The following PCDHGA10 variants were observed in gnomAD, a reference collection of about 807,000 sequenced individuals.
PCDHGA10 encodes protocadherin gamma-A10.
In PCDHGA10, 42 loss-of-function variants were observed where a neutral mutation model predicts 59.5. The observed-to-expected ratio is 0.71, with a 90% CI of 0.55 to 0.91. The LOEUF (loss-of-function observed/expected upper bound fraction) is 0.91, where lower values mean the gene tolerates loss of function less well. Ranked by LOEUF, PCDHGA10 falls within the 40% of genes least tolerant of loss-of-function variation. The pLI is 0.00. For missense variants in PCDHGA10, 1,111 were observed against 1,198.2 expected, an observed-to-expected ratio of 0.93 and a Z score of 1.07; for synonymous variants, 511 against 517.2, an observed-to-expected ratio of 0.99 and a Z score of 0.16.
At chr5:141,481,323 C>T (rs539518691) in intron 1 of PCDHGA10, among the ~76,000 whole-genome samples, 1 of 152,284 alleles carries the variant, frequency 6.6e-6, no homozygotes, top group Non-Finnish European at 1.5e-5. Flanking sequence ...AAAGCACTAG[C>T]CCCTGGACAA....
chr5:141,426,394 A>G (rs1353766048), intron 1 of PCDHGA10: 1 of 258,122 alleles, frequency 3.9e-6, no homozygotes, highest in African/African-American at 2.2e-5. Flanking sequence ...CCGCTACTCT[A>G]TTCCAGAAGA....
At chr5:141,457,953 C>G (rs12188170) in intron 1 of PCDHGA10, among the ~76,000 whole-genome samples, 6,291 of 152,286 alleles carry the variant, frequency 0.041, 196 homozygotes, top group Admixed American at 0.075. Context: ...GCATGTCAAG[C>G]TTGATTCCTT....
intron 1 of PCDHGA10, among the ~76,000 whole-genome samples, chr5:141,442,609 TA>T (rs1238913928): frequency 6.6e-6 from 1 of 152,112 alleles, no homozygotes; most frequent in African/African-American, 2.4e-5. Flanking sequence ...GAGATCTCAG[TA>T]AAAAGCATTT....
rs746318177 is a variant in PCDHGA10 at position 141,431,715 on chromosome 5, T to G, written c.2436+16104T>G. On this transcript the variant is annotated intron_variant, in intron 1 of 3. Coordinates refer to ENST00000398610, the MANE Select transcript of PCDHGA10 (RefSeq NM_018913.3). The surrounding 1 kb of genome is among the most constrained non-coding windows in gnomAD (Gnocchi z 4.8). Reference sequence around the variant, plus strand: ...GAGTCAGGATTCTACCAGATGGAAGTGCAAGCAATGGATAATGCAGGATAT... The same window carrying G: ...GAGTCAGGATTCTACCAGATGGAAGGGCAAGCAATGGATAATGCAGGATAT... 5.6e-6 allele frequency: 9 copies of G among 1,614,178 alleles called. No homozygotes were observed. The highest frequency in any genetic ancestry group is 6.8e-6 in the Non-Finnish European group (8 of 1,180,042).
intron 1 of PCDHGA10, among the ~76,000 whole-genome samples, chr5:141,467,790 C>T (rs1321576171): frequency 6.6e-6 from 1 of 152,118 alleles, no homozygotes; most frequent in Non-Finnish European, 1.5e-5. Context: ...TCTCAAGTAG[C>T]TGGGACTACA....
At chr5:141,474,426 C>T (rs2099349464) in intron 1 of PCDHGA10, among the ~76,000 whole-genome samples, 1 of 152,198 alleles carries the variant, frequency 6.6e-6, no homozygotes, top group Non-Finnish European at 1.5e-5. Context: ...ACCATTGGTC[C>T]TCACACTTTG....
At position 141,485,062 on chromosome 5, in the gene PCDHGA10, C is replaced by A; in HGVS notation, c.2437-9745C>A. 1 of 876,340 alleles carries A rather than the reference C, an allele frequency of 1.1e-6. No individual in the cohort carries two copies. Among genetic ancestry groups the A allele is most frequent in the African/African-American group, 1.7e-5 (1 of 59,510 alleles). The allele number at this position is 876,340 out of a possible 1,614,324, so 54.3% of individuals were successfully genotyped here. On this transcript the variant is annotated intron_variant, in intron 1 of 3. Coordinates refer to ENST00000398610, the MANE Select transcript of PCDHGA10 (RefSeq NM_018913.3). This position sits in a 1 kb window ranked among gnomAD's most constrained non-coding sequence, Gnocchi z 5.7. ...CCTTGCGGCGCCGGCCGAACCGCGC[C>A]AGAGCTGGCGCGGGGAAAGGGAGAT...
Position 141,427,654 on chromosome 5 carries a change from TCCACGTGGC to T in PCDHGA10, c.2436+12045_2436+12053del, listed in dbSNP as rs562748605. On this transcript the variant is annotated intron_variant, in intron 1 of 3. Coordinates refer to ENST00000398610, the MANE Select transcript of PCDHGA10 (RefSeq NM_018913.3). ...GTTTTCCACCAAGTCTCCTACGTGG[TCCACGTGGC>T]CGAAAACAACCTTCCCGGAGCCTCC... 2.0e-4 allele frequency: 148 copies of T among 727,622 alleles called. No individual in the cohort carries two copies. The African/African-American group carries it at 2.4e-3, about 12-fold the overall frequency. The allele number at this position is 727,622 out of a possible 1,614,324, so 45.1% of individuals were successfully genotyped here.
At position 141,491,765 on chromosome 5, in the gene PCDHGA10, A is replaced by C; in HGVS notation, c.2437-3042A>C. 1 of 1,569,230 alleles carries C rather than the reference A, an allele frequency of 6.4e-7. No homozygotes were observed. On this transcript the variant is annotated intron_variant, in intron 1 of 3. Coordinates refer to ENST00000398610, the MANE Select transcript of PCDHGA10 (RefSeq NM_018913.3). This position sits in a 1 kb window ranked among gnomAD's most constrained non-coding sequence, Gnocchi z 6.9. The stretch of plus-strand genomic sequence containing the variant: ...GGCACTGGAGAAGCCGCCCGTCCTC[A>C]TAAGGGATTGAACTTGCATCCACTC...
intron 1 of PCDHGA10, among the ~76,000 whole-genome samples, chr5:141,471,076 T>C (rs1463083616): frequency 1.5e-5 from 2 of 136,094 alleles, no homozygotes; most frequent in Non-Finnish European, 3.1e-5. Context: ...TGAGACAGGG[T>C]CTCCCTCTGT....
chr5:141,418,572 AC>A lies in PCDHGA10; in HGVS notation c.2436+2967del, dbSNP rs752316020. 8.1e-6 allele frequency: 13 copies of A among 1,613,794 alleles called. 1 individual carries two copies. The Admixed American group carries it at 1.8e-4, about 23-fold the overall frequency. ...ATCCTGGTAATAGATGCCAATGACA[AC>A]CCCCCAGTGTTCAGCCAGGACGTGT... On this transcript the variant is annotated intron_variant, in intron 1 of 3. Transcript: ENST00000398610.
chr5:141,483,648 TTGTGTGTGTGTGTG>T (rs111458813), intron 1 of PCDHGA10, among the ~76,000 whole-genome samples: 1 of 149,592 alleles, frequency 6.7e-6, no homozygotes, highest in Non-Finnish European at 1.5e-5. Flanking sequence ...GGGTGTGTGT[TTGTGTGTGTGTGTG>T]TGTGTGTAAA....
intron 2 of PCDHGA10, among the ~76,000 whole-genome samples, chr5:141,498,555 C>T (rs2099784323): frequency 6.6e-6 from 1 of 152,032 alleles, no homozygotes; most frequent in South Asian, 2.1e-4. Flanking sequence ...GACACACCAG[C>T]TTCAAAGCAG....
chr5:141,418,006 C>T, intron 1 of PCDHGA10: 7 of 1,613,896 alleles, frequency 4.3e-6, no homozygotes, highest in Non-Finnish European at 5.9e-6. Flanking sequence ...TGGTGGGGAA[C>T]CTCGCTAAGG....
chr5:141,483,243 ATATATCATGAGGTTTTTTTGTT>A (rs555469799), intron 1 of PCDHGA10, among the ~76,000 whole-genome samples: 11 of 151,654 alleles, frequency 7.3e-5, no homozygotes, highest in African/African-American at 2.2e-4. Context: ...ACTGATATGC[ATATATCATGAGGTTTTTTTGTT>A]TTAGAAATAT....
At chr5:141,416,014 A>G (rs1258459397) in intron 1 of PCDHGA10, 1 of 228,504 alleles carries the variant, frequency 4.4e-6, no homozygotes, top group African/African-American at 2.3e-5. Flanking sequence ...AAGAATAGGT[A>G]AGTATCAGAA....
chr5:141,511,391 C>G lies in PCDHGA10; in HGVS notation c.*218C>G. ...TGCAAAAGCAGTTCCGCTGGGAACC[C>G]CCATCCAATCAACTGCTGTACCCAT... is the stretch of plus-strand genomic sequence containing the variant. On this transcript the variant is annotated 3_prime_UTR_variant, in exon 4 of 4. Coordinates refer to ENST00000398610, the MANE Select transcript of PCDHGA10 (RefSeq NM_018913.3). 2.8e-6 allele frequency: 3 copies of G among 1,079,748 alleles called. No homozygotes were observed. The highest frequency in any genetic ancestry group is 3.3e-5 in the South Asian group (2 of 60,136). The allele number at this position is 1,079,748 out of a possible 1,614,324, so 66.9% of individuals were successfully genotyped here. A position where few individuals can be genotyped will look rare whatever the true frequency, so the allele number is the denominator to read the frequency against.
At position 141,485,614 on chromosome 5, in the gene PCDHGA10, T is replaced by G; in HGVS notation, c.2437-9193T>G. 1 of 1,612,236 alleles carries G rather than the reference T, an allele frequency of 6.2e-7. No individual in the cohort carries two copies. Among genetic ancestry groups the G allele is most frequent in the Non-Finnish European group, 8.5e-7 (1 of 1,178,686 alleles). On this transcript the variant is annotated intron_variant, in intron 1 of 3. Transcript: ENST00000398610. The surrounding 1 kb of genome is among the most constrained non-coding windows in gnomAD (Gnocchi z 5.7). ...ACTTGGAAATTGGGGAGGCAGCTCC[T>G]CCAGGACAGCGTTTCCCGTTGGAAA...
rs754299511 is a variant in PCDHGA10 at position 141,476,353 on chromosome 5, G to A, written c.2437-18454G>A. 4 of 1,614,202 alleles carry A rather than the reference G, an allele frequency of 2.5e-6. No individual in the cohort carries two copies. Among genetic ancestry groups the A allele is most frequent in the South Asian group, 1.1e-5 (1 of 91,082 alleles). On this transcript the variant is annotated intron_variant, in intron 1 of 3. Coordinates refer to ENST00000398610, the MANE Select transcript of PCDHGA10 (RefSeq NM_018913.3). The surrounding 1 kb of genome is among the most constrained non-coding windows in gnomAD (Gnocchi z 7.6). The stretch of plus-strand genomic sequence containing the variant: ...GAGCTAGCCGAAGATTCTTTGAGGT[G>A]AACCGGGAGACCGGAGAGATGTTTG...
Sources: gnomAD v4.1 joint callset for allele counts (sites outside exome capture counted in the v4.1 genomes callset) on GRCh38, gnomAD v4.1.1 for gene constraint, Gnocchi (gnomAD v3.1) non-coding constraint, MANE v1.5 for transcripts, NCBI Gene and HGNC (gene_info 2026-07-23, HGNC 2026-07-21) for gene names.